The following IGSF9B variants were observed in gnomAD, a reference collection of about 807,000 sequenced individuals.
The protein encoded by IGSF9B is immunoglobulin superfamily member 9B.
IGSF9B carries 48 observed loss-of-function variants against 143.7 expected under a neutral mutation model. That is an observed-to-expected ratio of 0.33 (90% CI 0.26 to 0.42). The LOEUF is 0.42. Among genes scored for constraint, IGSF9B ranks in the 20% least tolerant of loss-of-function variants. IGSF9B has a pLI of 1.00. For synonymous variants in IGSF9B, 903 were observed against 833.1 expected (o/e 1.08, Z -1.44); for missense variants, 1,706 against 1,980.0 (o/e 0.86, Z 2.63).
At chr11:133,924,587 G>T (rs541739289) in intron 15 of IGSF9B, among the ~76,000 whole-genome samples, 1 of 152,126 alleles carries the variant, frequency 6.6e-6, no homozygotes, top group East Asian at 1.9e-4. Flanking sequence ...TTCTGTGGCT[G>T]TCTTATACAA....
intron 19 of IGSF9B, among the ~76,000 whole-genome samples, chr11:133,910,770 G>A (rs771291794): frequency 1.3e-5 from 2 of 152,076 alleles, no homozygotes; most frequent in African/African-American, 2.4e-5. Flanking sequence ...AGACAATGCA[G>A]GTCTCTGATG....
chr11:133,908,967 TG>T lies in IGSF9B; in HGVS notation c.*101del. 1 of 1,029,074 alleles carries T rather than the reference TG, an allele frequency of 9.7e-7. No individual in the cohort carries two copies. The highest frequency in any genetic ancestry group is 2.6e-5 in the East Asian group (1 of 38,232). 63.7% of individuals were successfully genotyped at this position (1,029,074 alleles called of 1,614,324 possible). A position where few individuals can be genotyped will look rare whatever the true frequency, so the allele number is the denominator to read the frequency against. ...AGAGGGGGCATGCAGGACAAAGGTC[TG>T]GGCCGCCCTTGGCAGACGGAGGAGG... On this transcript the variant is annotated 3_prime_UTR_variant, in exon 20 of 20. Transcript: ENST00000533871.
intron 19 of IGSF9B, among the ~76,000 whole-genome samples, chr11:133,911,199 A>C (rs992392586): frequency 9.9e-5 from 15 of 152,226 alleles, no homozygotes; most frequent in African/African-American, 2.7e-4. Flanking sequence ...ACAAATATTA[A>C]AGAATTTTCT....
intron 11 of IGSF9B, 93 bp downstream of exon 11, chr11:133,930,891 C>A (rs915539815): frequency 7.7e-7 from 1 of 1,290,416 alleles, no homozygotes. Flanking sequence ...CAGAGTGCAG[C>A]GGCCACCAGG....
At chr11:133,952,771 GTA>G (rs1311168299) in intron 1 of IGSF9B, among the ~76,000 whole-genome samples, 1 of 149,676 alleles carries the variant, frequency 6.7e-6, no homozygotes, top group African/African-American at 2.5e-5. Context: ...GAACATGTGT[GTA>G]TGCGCACACA....
At position 133,922,750 on chromosome 11, in the gene IGSF9B, C is replaced by A. The variant is rs1215354339; in HGVS notation, c.2120-20G>T. On this transcript the variant is annotated intron_variant, in intron 15 of 19. Transcript: ENST00000533871. ...AGATGTCTGCAGGGAGGGTGGGGAG[C>A]ACTCATGAGCCCATCCTTCCCCGGG... 5 of 1,537,996 alleles carry A rather than the reference C, an allele frequency of 3.3e-6. No homozygotes were observed. The highest frequency in any genetic ancestry group is 4.4e-6 in the Non-Finnish European group (5 of 1,143,760).
rs764743314 is a variant in IGSF9B at position 133,919,912 on chromosome 11, G to A, written c.3813C>T (p.Pro1271=). 2 of 1,568,566 alleles carry A rather than the reference G, an allele frequency of 1.3e-6. No homozygotes were observed. Among genetic ancestry groups the A allele is most frequent in the Admixed American group, 3.8e-5 (2 of 53,186 alleles). Residue 1271 remains proline, a synonymous_variant, in exon 18 of 20, where the codon CCC becomes CCT. Coordinates refer to ENST00000533871, the MANE Select transcript of IGSF9B (RefSeq NM_001277285.4). ...TGGCCAGAGTGGTGAAGCCCATGGC[G>A]GGCCGGTAGCTGGGACTCCCACTGC... ...SSRSGSPSYR[P]AMGFTTLATG...
chr11:133,948,060 TGTGTGTGTG>T lies in IGSF9B; in HGVS notation c.65-1811_65-1803del, dbSNP rs1940089732. On this transcript the variant is annotated intron_variant, in intron 1 of 19. Transcript: ENST00000533871. This position sits in a 1 kb window ranked among gnomAD's most constrained non-coding sequence, Gnocchi z 4.7. The stretch of plus-strand genomic sequence containing the variant: ...TTCTGTCTACCAGCATGTGTGCGTG[TGTGTGTGTG>T]TGTGTGTGTGTGTGTGTGTGTCTGT... Among the ~76,000 whole-genome samples the T allele has an allele frequency of 2.2e-5, 1 of 44,920 alleles. No individual in the cohort carries two copies. Among genetic ancestry groups the T allele is most frequent in the Non-Finnish European group, 6.6e-5 (1 of 15,260 alleles). 29.5% of individuals were successfully genotyped at this position (44,920 alleles called of 152,430 possible).
At position 133,929,781 on chromosome 11, in the gene IGSF9B, G is replaced by A. The variant is rs1159109884; in HGVS notation, c.1521C>T (p.Gly507=). ...ITASTHLTVI[G]TSPHAPGSVR... is the part of the protein sequence containing the mutation. Reference sequence around the variant, plus strand: ...CACTGCCCGGGGCATGGGGGCTGGTGCCTGGAGATCAAGTGGAGACCTCTC... The same window carrying A: ...CACTGCCCGGGGCATGGGGGCTGGTACCTGGAGATCAAGTGGAGACCTCTC... Residue 507 remains glycine (G), a splice_region_variant and synonymous_variant, in exon 12 of 20, where the codon GGC becomes GGT. Coordinates refer to ENST00000533871, the MANE Select transcript of IGSF9B (RefSeq NM_001277285.4). The A allele has an allele frequency of 6.2e-7, 1 of 1,607,806 alleles. No individual in the cohort carries two copies. The highest frequency in any genetic ancestry group is 2.2e-5 in the East Asian group (1 of 44,836).
intron 18 of IGSF9B, among the ~76,000 whole-genome samples, chr11:133,917,853 C>T (rs973534257): frequency 6.6e-6 from 1 of 151,984 alleles, no homozygotes; most frequent in African/African-American, 2.4e-5. Flanking sequence ...TTCCTGGATA[C>T]CAGAGGGGCC....
chr11:133,912,113 C>T lies in IGSF9B; in HGVS notation c.3984-106G>A. 3.0e-6 allele frequency: 4 copies of T among 1,342,664 alleles called. No homozygotes were observed. In the South Asian group the frequency reaches 5.8e-5, roughly 19 times the overall value. 83.2% of individuals were successfully genotyped at this position (1,342,664 alleles called of 1,614,324 possible). ...AGCTGACCCACAGAAGGACAGAGTT[C>T]AGTCCTACAGAGCCCAAGGTGCCCA... On this transcript the variant is annotated intron_variant, in intron 18 of 19. Coordinates refer to ENST00000533871, the MANE Select transcript of IGSF9B (RefSeq NM_001277285.4).
intron 1 of IGSF9B, among the ~76,000 whole-genome samples, chr11:133,947,694 C>T (rs974155491): frequency 2.9e-5 from 4 of 139,030 alleles, no homozygotes; most frequent in African/African-American, 1.0e-4. Context: ...ACATGCTGGG[C>T]TCCTCTGTGT....
chr11:133,901,575 CACAT>C lies in IGSF9B; in HGVS notation c.*7490_*7493del, dbSNP rs1939120471. On this transcript the variant is annotated 3_prime_UTR_variant, in exon 20 of 20. Transcript: ENST00000533871. Reference sequence around the variant, plus strand: ...ACGATTGCATCTGATCCTTGCCTCCCACATACATTCCCCTCTCTCCTTAAAATAG... The same window carrying C: ...ACGATTGCATCTGATCCTTGCCTCCCACATTCCCCTCTCTCCTTAAAATAG... The C allele has an allele frequency of 6.6e-6, 1 of 152,250 alleles. No individual in the cohort carries two copies. The highest frequency in any genetic ancestry group is 2.4e-5 in the African/African-American group (1 of 41,396). 9.4% of individuals were successfully genotyped at this position (152,250 alleles called of 1,614,324 possible). A position where few individuals can be genotyped will look rare whatever the true frequency, so the allele number is the denominator to read the frequency against.
chr11:133,935,581 G>A, intron 7 of IGSF9B, 36 bp downstream of exon 7: 1 of 1,587,148 alleles, frequency 6.3e-7, no homozygotes, highest in Non-Finnish European at 8.6e-7. Context: ...CCTTCTGGGA[G>A]CCCCACCACC....
In IGSF9B at chr11:133,920,194, G is replaced by A. The variant is rs370319757; in HGVS notation, c.3531C>T (p.Pro1177=). Residue 1177 remains proline, a synonymous_variant, in exon 18 of 20, where the codon CCC becomes CCT. Coordinates refer to ENST00000533871, the MANE Select transcript of IGSF9B (RefSeq NM_001277285.4). The part of the protein sequence containing the change: ...DTRWYEPQPR[P]RPSPRQARRA... ...GCCTGGCCTGCCGAGGGCTAGGCCG[G>A]GGCCGGGGCTGGGGCTCATACCACC... The A allele has an allele frequency of 6.6e-7, 1 of 1,513,656 alleles. No individual in the cohort carries two copies. The highest frequency in any genetic ancestry group is 1.4e-5 in the African/African-American group (1 of 71,514). 93.8% of individuals were successfully genotyped at this position (1,513,656 alleles called of 1,614,324 possible).
At position 133,948,901 on chromosome 11, in the gene IGSF9B, G is replaced by A. The variant is rs1940107784; in HGVS notation, c.65-2643C>T. Among the ~76,000 whole-genome samples the A allele has an allele frequency of 1.3e-5, 2 of 152,156 alleles. No homozygotes were observed. Among genetic ancestry groups the A allele is most frequent in the African/African-American group, 4.8e-5 (2 of 41,434 alleles). Reference sequence around the variant, plus strand: ...CAGGTGGAGGGCTCTAGCGGGCAACGCCAGGAGGTGGGTTGGCTTTGACGT... The same window carrying A: ...CAGGTGGAGGGCTCTAGCGGGCAACACCAGGAGGTGGGTTGGCTTTGACGT... On this transcript the variant is annotated intron_variant, in intron 1 of 19. Transcript: ENST00000533871. This position sits in a 1 kb window ranked among gnomAD's most constrained non-coding sequence, Gnocchi z 4.7.
rs756826798 is a variant in IGSF9B at position 133,896,855 on chromosome 11, C to CGTCT, written c.*12210_*12213dup. Reference sequence around the variant, plus strand: ...CACCATCATCAGCAGCCAGGGCAGGCGTCTATTGCTTAGGGCCGTAGAGCA... The same window carrying CGTCT: ...CACCATCATCAGCAGCCAGGGCAGGCGTCTGTCTATTGCTTAGGGCCGTAGAGCA... On this transcript the variant is annotated 3_prime_UTR_variant, in exon 20 of 20. Transcript: ENST00000533871. The CGTCT allele has an allele frequency of 6.6e-5, 10 of 152,472 alleles. No individual in the cohort carries two copies. Among genetic ancestry groups the CGTCT allele is most frequent in the Admixed American group, 2.0e-4 (3 of 15,296 alleles). The allele number at this position is 152,472 out of a possible 1,614,324, so 9.4% of individuals were successfully genotyped here. A position where few individuals can be genotyped will look rare whatever the true frequency, so the allele number is the denominator to read the frequency against.
In IGSF9B at chr11:133,920,470, C is replaced by T; in HGVS notation, c.3255G>A (p.Leu1085=). ...TGCCCGGGTAGGCCGCGGGCACCTG[C>T]AGGGAGGTGGGGGGCAGTCCTCGGG... ...GLPRGLPPTS[L]QVPAAYPGIL... Residue 1085 remains leucine, a synonymous_variant, in exon 18 of 20, where the codon CTG becomes CTA. Coordinates refer to ENST00000533871, the MANE Select transcript of IGSF9B (RefSeq NM_001277285.4). The T allele has an allele frequency of 1.9e-6, 3 of 1,570,750 alleles. No individual in the cohort carries two copies. The highest frequency in any genetic ancestry group is 2.4e-5 in the South Asian group (2 of 84,814).
rs766513389 is a variant in IGSF9B at position 133,929,666 on chromosome 11, C to G, written c.1631+5G>C. ...CATGCCGGGGTGACTCACAGAGGTC[C>G]GTACCAAACTGAGAATGTCTGCTCG... On this transcript the variant is annotated splice_donor_5th_base_variant and intron_variant, in intron 12 of 19. Coordinates refer to ENST00000533871, the MANE Select transcript of IGSF9B (RefSeq NM_001277285.4). 1 of 1,596,558 alleles carries G rather than the reference C, an allele frequency of 6.3e-7. No individual in the cohort carries two copies. The highest frequency in any genetic ancestry group is 8.6e-7 in the Non-Finnish European group (1 of 1,164,028).
Sources: gnomAD v4.1 joint callset for allele counts (sites outside exome capture counted in the v4.1 genomes callset) on GRCh38, gnomAD v4.1.1 for gene constraint, Gnocchi (gnomAD v3.1) non-coding constraint, MANE v1.5 for transcripts, NCBI Gene and HGNC (gene_info 2026-07-23, HGNC 2026-07-21) for gene names.